The following CENPE variants were observed in gnomAD, a reference collection of about 807,000 sequenced individuals.
The protein encoded by CENPE is centromere-associated protein E.
A neutral mutation model predicts 336.1 loss-of-function variants in CENPE; 145 were observed. That is an observed-to-expected ratio of 0.43 (90% CI 0.38 to 0.50). The LOEUF is 0.50. CENPE is among the 20% of genes least tolerant of loss of function. The pLI, the probability that CENPE is intolerant of heterozygous loss-of-function variation, is 0.00. For missense variants in CENPE, 2,719 were observed against 3,023.3 expected, an observed-to-expected ratio of 0.90 and a Z score of 2.36; for synonymous variants, 1,013 against 984.8, an observed-to-expected ratio of 1.03 and a Z score of -0.54.
intron 42 of CENPE, among the ~76,000 whole-genome samples, chr4:103,126,778 T>C (rs1200326235): frequency 6.6e-6 from 1 of 152,140 alleles, no homozygotes; most frequent in Non-Finnish European, 1.5e-5. Flanking sequence ...AAAATGCTCT[T>C]AAGAGAAACG....
chr4:103,184,418 T>C (rs1254219938), intron 9 of CENPE, among the ~76,000 whole-genome samples: 1 of 152,220 alleles, frequency 6.6e-6, no homozygotes, highest in Non-Finnish European at 1.5e-5. Context: ...TTTTAAGGCA[T>C]CTGGACTTTG....
intron 43 of CENPE, among the ~76,000 whole-genome samples, chr4:103,121,549 C>CTTT (rs11454081): frequency 5.2e-5 from 7 of 135,912 alleles, no homozygotes; most frequent in South Asian, 2.4e-4. Flanking sequence ...TTCTTTCTTT[C>CTTT]TTTTTTTTTT....
chr4:103,110,001 TAACTC>T lies in CENPE; in HGVS notation c.7724+822_7724+826del, dbSNP rs1264357548. On this transcript the variant is annotated intron_variant, in intron 47 of 48. Transcript: ENST00000265148. Reference sequence around the variant, plus strand: ...AGTCCCACCAATTAGTTATTCTTCTTAACTCAAAGCCCGTGAACATGTTCCCCTGG... The same window carrying T: ...AGTCCCACCAATTAGTTATTCTTCTTAAAGCCCGTGAACATGTTCCCCTGG... 2.0e-5 allele frequency among the ~76,000 whole-genome samples: 3 copies of T among 152,274 alleles called. No homozygotes were observed. The East Asian group carries it at 5.8e-4, about 29-fold the overall frequency.
intron 34 of CENPE, 71 bp from the exon 35 acceptor site, chr4:103,141,979 A>G: frequency 3.1e-6 from 3 of 959,784 alleles, no homozygotes; most frequent in Non-Finnish European, 4.6e-6. Flanking sequence ...AAAGTGATAT[A>G]TTTTCTTAGT....
In CENPE at chr4:103,171,807, G is replaced by A. The variant is rs553186586; in HGVS notation, c.1647+2929C>T. 3.3e-5 allele frequency among the ~76,000 whole-genome samples: 5 copies of A among 150,764 alleles called. No individual in the cohort carries two copies. The South Asian group carries it at 1.0e-3, about 31-fold the overall frequency. ...AAATAAAATCAGAAATAAAAAAGGA[G>A]ACATTACAATTGATACCACAGAAAT... On this transcript the variant is annotated intron_variant, in intron 16 of 48. Coordinates refer to ENST00000265148, the MANE Select transcript of CENPE (RefSeq NM_001813.3).
At chr4:103,185,699 T>A in intron 9 of CENPE, 111 bp downstream of exon 9, 13 of 563,008 alleles carry the variant, frequency 2.3e-5, no homozygotes, top group Non-Finnish European at 3.4e-5. Context: ...TTCATTATTA[T>A]TAATAATGAA....
rs575706521 is a variant in CENPE at position 103,180,252 on chromosome 4, T to C, written c.1242+59A>G. ...AAGTGCATACTATATAATAAACATA[T>C]AGAAATACCAATTCTATTCTCTGTA... is the stretch of plus-strand genomic sequence containing the variant. On this transcript the variant is annotated intron_variant, in intron 13 of 48. Coordinates refer to ENST00000265148, the MANE Select transcript of CENPE (RefSeq NM_001813.3). 9.5e-6 allele frequency: 14 copies of C among 1,476,494 alleles called. No individual in the cohort carries two copies. The Admixed American group carries it at 9.6e-5, about 10-fold the overall frequency. The allele number at this position is 1,476,494 out of a possible 1,614,324, so 91.5% of individuals were successfully genotyped here.
intron 48 of CENPE, among the ~76,000 whole-genome samples, chr4:103,108,495 T>A (rs914517179): frequency 9.2e-5 from 14 of 152,292 alleles, no homozygotes; most frequent in Admixed American, 2.6e-4. Flanking sequence ...GATAAGACTT[T>A]TCAGTAAAAG....
In CENPE at chr4:103,163,521, C is replaced by CTT; in HGVS notation, c.1678_1679dup (p.Asn561ArgfsTer3). 6.3e-7 allele frequency: 1 copy of CTT among 1,585,890 alleles called. No individual in the cohort carries two copies. The highest frequency in any genetic ancestry group is 8.6e-7 in the Non-Finnish European group (1 of 1,168,242). ...ATACTTCTGCATGCTTAACTAAATT[C>CTT]TTTAAGTTCGAAATTTCATGAATTA... is the stretch of plus-strand genomic sequence containing the variant. On this transcript the variant is annotated frameshift_variant, in exon 17 of 49. Coordinates refer to ENST00000265148, the MANE Select transcript of CENPE (RefSeq NM_001813.3). LOFTEE classifies it high-confidence loss of function.
At chr4:103,111,467 C>CTA (rs1210444394) in intron 46 of CENPE, among the ~76,000 whole-genome samples, 4 of 152,144 alleles carry the variant, frequency 2.6e-5, no homozygotes, top group African/African-American at 9.7e-5. Flanking sequence ...ATATATGTTA[C>CTA]AATAATATTA....
rs536745643 is a variant in CENPE, at chr4:103,193,740, T to A, written c.693+489A>T. 1.6e-4 allele frequency among the ~76,000 whole-genome samples: 24 copies of A among 152,236 alleles called. No homozygotes were observed. The East Asian group carries it at 3.1e-3, about 20-fold the overall frequency. The stretch of plus-strand genomic sequence containing the variant: ...GTATCACTCCTCAATGGATTTACAG[T>A]CTAAAGTACTACGTTTACAATACAA... On this transcript the variant is annotated intron_variant, in intron 8 of 48. Coordinates refer to ENST00000265148, the MANE Select transcript of CENPE (RefSeq NM_001813.3).
At position 103,136,331 on chromosome 4, in the gene CENPE, T is replaced by C. The variant is rs761734040; in HGVS notation, c.6332A>G (p.Asp2111Gly). 5 of 1,611,542 alleles carry C rather than the reference T, an allele frequency of 3.1e-6. No homozygotes were observed. The African/African-American group carries it at 5.3e-5, about 17-fold the overall frequency. Residue 2111 changes from aspartate (D) to glycine (G), a missense_variant, in exon 40 of 49, where the codon GAT (aspartate) becomes GGT (glycine). Asp to Gly is a moderately conservative substitution (Grantham distance 94). This residue lies in a region of CENPE where 2,437 missense variants were observed against 2,513.3 expected (regional missense o/e 0.97). Transcript: ENST00000265148. ...TCTATTCAAGCACTCATAATGATCA[T>C]CCATCTCTGAGTATCTCTTCAAAAG... ...KELLKRYSEM[D>G]DHYECLNRLS... is the part of the protein sequence containing the mutation.
chr4:103,195,877 T>C (rs1443704809), intron 4 of CENPE, 43 bp downstream of exon 4: 2 of 1,137,764 alleles, frequency 1.8e-6, no homozygotes, highest in East Asian at 2.3e-5. Context: ...CAGTTTTTAC[T>C]AGTTTTACCT....
chr4:103,160,284 C>T (rs1754324549), intron 21 of CENPE, among the ~76,000 whole-genome samples: 1 of 151,716 alleles, frequency 6.6e-6, no homozygotes, highest in Non-Finnish European at 1.5e-5. Context: ...TTTTATTCAA[C>T]ATAATGATAC....
intron 46 of CENPE, among the ~76,000 whole-genome samples, chr4:103,113,073 C>T: frequency 2.0e-5 from 2 of 97,634 alleles, no homozygotes; most frequent in Admixed American, 1.2e-4. Flanking sequence ...TATATATATA[C>T]TTATAAGTAT....
chr4:103,131,634 C>T (rs1751596951), intron 42 of CENPE, among the ~76,000 whole-genome samples: 1 of 152,050 alleles, frequency 6.6e-6, no homozygotes, highest in African/African-American at 2.4e-5. Context: ...AATGTATGTC[C>T]ACACAAAAAG....
In CENPE at chr4:103,133,775, G is replaced by A; in HGVS notation, c.6640C>T (p.His2214Tyr). Residue 2214 changes from histidine (H) to tyrosine (Y), a missense_variant, in exon 41 of 49, where the codon CAC becomes TAC. Physicochemically the swap from His to Tyr is moderately conservative, Grantham distance 83 (BLOSUM62 2). Around this residue, in one of 5 missense-constraint regions of CENPE, gnomAD observed 2,437 missense variants for 2,513.3 expected, o/e 0.97. Coordinates refer to ENST00000265148, the MANE Select transcript of CENPE (RefSeq NM_001813.3). Reference sequence around the variant, plus strand: ...GGTACATCACAATCTTGTTGAAGGTGCTGTATTTTAATTAGCAATTCCTTT... The same window carrying A: ...GGTACATCACAATCTTGTTGAAGGTACTGTATTTTAATTAGCAATTCCTTT... ...KQKELLIKIQ[H>Y]LQQDCDVPSR... 1 of 1,611,478 alleles carries A rather than the reference G, an allele frequency of 6.2e-7. No individual in the cohort carries two copies. Among genetic ancestry groups the A allele is most frequent in the Non-Finnish European group, 8.5e-7 (1 of 1,178,274 alleles).
At chr4:103,182,655 T>C (rs749746710) in intron 11 of CENPE, 107 bp downstream of exon 11, 12 of 891,264 alleles carry the variant, frequency 1.3e-5, no homozygotes, top group Non-Finnish European at 2.0e-5. Context: ...ATATCGATTA[T>C]AACAGGCGAG....
intron 29 of CENPE, 40 bp downstream of exon 29, chr4:103,147,316 T>A (rs1482493370): frequency 6.6e-7 from 1 of 1,514,180 alleles, no homozygotes; most frequent in African/African-American, 1.4e-5. Flanking sequence ...TTGATTCTTA[T>A]AAGACACTTG....
Sources: allele counts gnomAD v4.1 joint callset (sites outside exome capture counted in the v4.1 genomes callset), GRCh38; gene constraint gnomAD v4.1.1; regional missense constraint gnomAD v4.1.1; transcripts MANE v1.5; gene names NCBI Gene and HGNC (gene_info 2026-07-23, HGNC 2026-07-21).